The following TAFA1 variants were observed in gnomAD, a reference collection of about 807,000 sequenced individuals.
The protein encoded by TAFA1 is TAFA chemokine like family member 1, also known as chemokine-like protein TAFA-1.
In TAFA1, 4 loss-of-function variants were observed where a neutral mutation model predicts 18.5. The observed-to-expected ratio is 0.22, with a 90% CI of 0.11 to 0.49. TAFA1 has a LOEUF of 0.49. TAFA1 is among the 20% of genes least tolerant of loss of function. The pLI, the probability that TAFA1 is intolerant of heterozygous loss-of-function variation, is 0.98. For synonymous variants in TAFA1, 56 were observed against 55.2 expected (o/e 1.01, Z -0.06); for missense variants, 147 against 169.0 (o/e 0.87, Z 0.72).
chr3:68,409,409 TC>T (rs1387078236), intron 2 of TAFA1, among the ~76,000 whole-genome samples: 1 of 152,086 alleles, frequency 6.6e-6, no homozygotes, highest in Non-Finnish European at 1.5e-5. Context: ...GAGGGTGGTT[TC>T]CCCCATGCTG....
At chr3:68,409,972 C>A (rs151057358) in intron 2 of TAFA1, among the ~76,000 whole-genome samples, 1 of 152,122 alleles carries the variant, frequency 6.6e-6, no homozygotes, top group East Asian at 1.9e-4. Flanking sequence ...CATTATCCTT[C>A]GCAATTTATC....
chr3:68,319,127 T>A (rs561976002), intron 2 of TAFA1, among the ~76,000 whole-genome samples: 35 of 152,316 alleles, frequency 2.3e-4, no homozygotes, highest in Middle Eastern at 3.4e-3. Flanking sequence ...ATAAAAGAGA[T>A]AGTTATAAAA....
intron 2 of TAFA1, among the ~76,000 whole-genome samples, chr3:68,326,581 T>G (rs1331997204): frequency 6.6e-6 from 1 of 152,204 alleles, no homozygotes; most frequent in Non-Finnish European, 1.5e-5. Flanking sequence ...TGTTAGCCAT[T>G]GTGTTATCAG....
chr3:68,325,356 C>G (rs1559617945), intron 2 of TAFA1, among the ~76,000 whole-genome samples: 2 of 152,126 alleles, frequency 1.3e-5, no homozygotes. Flanking sequence ...AATTATGTGA[C>G]CTTTGTGCTA....
chr3:68,129,019 C>G (rs7643018), intron 2 of TAFA1, among the ~76,000 whole-genome samples: 12,159 of 152,242 alleles, frequency 0.08, 563 homozygotes, highest in Middle Eastern at 0.12. Context: ...AAGTGACAAG[C>G]TAGTCTAAAC....
At chr3:68,263,808 T>A (rs1031665662) in intron 2 of TAFA1, among the ~76,000 whole-genome samples, 3 of 152,100 alleles carry the variant, frequency 2.0e-5, no homozygotes, top group African/African-American at 7.2e-5. Context: ...TAAACCTATG[T>A]TTCGTGTATC....
chr3:67,992,100 G>C, the TAFA1 span, among the ~76,000 whole-genome samples: 1 of 152,188 alleles, frequency 6.6e-6, no homozygotes, highest in Admixed American at 6.5e-5. Flanking sequence ...CTAGTGGACA[G>C]ACATTTTTAG....
At chr3:68,098,543 CAATGCATTGTGCCAGTCA>C (rs1289456716) in intron 2 of TAFA1, among the ~76,000 whole-genome samples, 1 of 152,056 alleles carries the variant, frequency 6.6e-6, no homozygotes, top group African/African-American at 2.4e-5. Flanking sequence ...TGGTGATATG[CAATGCATTGTGCCAGTCA>C]AATGATGAGA....
intron 2 of TAFA1, among the ~76,000 whole-genome samples, chr3:68,075,775 C>A (rs1281828615): frequency 6.6e-6 from 1 of 151,298 alleles, no homozygotes; most frequent in African/African-American, 2.4e-5. Flanking sequence ...TGGCTCACTG[C>A]AGCTTTGACC....
At chr3:68,499,446 C>CTTTTTTTTTTT (rs752597708) in intron 3 of TAFA1, among the ~76,000 whole-genome samples, 1 of 112,170 alleles carries the variant, frequency 8.9e-6, no homozygotes, top group South Asian at 2.9e-4. Context: ...GTGTTCCTTT[C>CTTTTTTTTTTT]TTTTTTTTTT....
At chr3:68,417,902 A>G (rs2070870400) in intron 3 of TAFA1, among the ~76,000 whole-genome samples, 1 of 152,066 alleles carries the variant, frequency 6.6e-6, no homozygotes, top group African/African-American at 2.4e-5. Context: ...GCCAAGGGGG[A>G]GGTACTACAC....
chr3:68,410,901 A>G (rs1308302651), intron 2 of TAFA1, among the ~76,000 whole-genome samples: 1 of 152,202 alleles, frequency 6.6e-6, no homozygotes, highest in Admixed American at 6.5e-5. Context: ...TCATTCTGAA[A>G]TAACATTGGC....
chr3:68,458,756 G>A (rs551061739), intron 3 of TAFA1, among the ~76,000 whole-genome samples: 1 of 151,848 alleles, frequency 6.6e-6, no homozygotes, highest in Non-Finnish European at 1.5e-5. Context: ...TTTCATGCTT[G>A]GAGTAGAGAC....
chr3:68,319,722 A>C (rs2068667314), intron 2 of TAFA1, among the ~76,000 whole-genome samples: 1 of 152,232 alleles, frequency 6.6e-6, no homozygotes, highest in Non-Finnish European at 1.5e-5. Flanking sequence ...CATCATGCTC[A>C]AAATGGATTG....
chr3:68,372,552 T>G (rs1434293253), intron 2 of TAFA1, among the ~76,000 whole-genome samples: 2 of 152,228 alleles, frequency 1.3e-5, no homozygotes, highest in Non-Finnish European at 2.9e-5. Flanking sequence ...CCATTTTTAC[T>G]AATTGTTAAT....
chr3:68,522,827 C>A (rs1174825697), intron 3 of TAFA1, among the ~76,000 whole-genome samples: 1 of 149,688 alleles, frequency 6.7e-6, no homozygotes, highest in East Asian at 2.0e-4. Flanking sequence ...CCAGCCTGGG[C>A]GACTTTGGGA....
intron 2 of TAFA1, among the ~76,000 whole-genome samples, chr3:68,104,150 T>C (rs2065179649): frequency 6.6e-6 from 1 of 152,142 alleles, no homozygotes; most frequent in Non-Finnish European, 1.5e-5. Context: ...ATGGCTACTT[T>C]ATACCAGTCT....
chr3:68,140,636 T>TA lies in TAFA1; in HGVS notation c.118+133896dup, dbSNP rs1287799986. On this transcript the variant is annotated intron_variant, in intron 2 of 4. Coordinates refer to ENST00000478136, the MANE Select transcript of TAFA1 (RefSeq NM_213609.4). ...CCTAAACTTCTTGTGCCACCATCTG[T>TA]AAAATGAAGGCAATGATGGCTACCT... Among the ~76,000 whole-genome samples the TA allele has an allele frequency of 2.0e-5, 3 of 152,260 alleles. No individual in the cohort carries two copies. The East Asian group carries it at 5.8e-4, about 29-fold the overall frequency.
intron 2 of TAFA1, among the ~76,000 whole-genome samples, chr3:68,041,594 T>C (rs1413090214): frequency 6.6e-6 from 1 of 152,234 alleles, no homozygotes; most frequent in Non-Finnish European, 1.5e-5. Flanking sequence ...CATTCAGGTA[T>C]TGAAAACTCT....
Sources: allele counts gnomAD v4.1 joint callset (sites outside exome capture counted in the v4.1 genomes callset), GRCh38; gene constraint gnomAD v4.1.1; transcripts MANE v1.5; gene names NCBI Gene and HGNC (gene_info 2026-07-23, HGNC 2026-07-21).